Variants in CDC42EP5 observed in about 807,000 individuals in gnomAD.
The protein encoded by CDC42EP5 is CDC42 effector protein (Rho GTPase binding) 5.
For missense variants in CDC42EP5, 269 were observed against 238.0 expected, an observed-to-expected ratio of 1.13 and a Z score of -0.86; for synonymous variants, 118 against 123.3, an observed-to-expected ratio of 0.96 and a Z score of 0.28.
At chr19:54,471,101 C>T (rs550491245) in intron 2 of CDC42EP5, among the ~76,000 whole-genome samples, 13 of 152,308 alleles carry the variant, frequency 8.5e-5, no homozygotes, top group South Asian at 2.1e-4. Flanking sequence ...CGGAAAAAGT[C>T]CCTCACGCTG....
intron 2 of CDC42EP5, among the ~76,000 whole-genome samples, chr19:54,468,924 T>TTCCTTCC (rs2084795615): frequency 1.9e-3 from 61 of 31,612 alleles, no homozygotes; most frequent in African/African-American, 5.0e-3. Flanking sequence ...TCCTTCCTTC[T>TTCCTTCC]TTCTTTCTTT....
intron 2 of CDC42EP5, 43 bp from the exon 3 acceptor site, chr19:54,465,590 C>T (rs1234365521): frequency 5.7e-6 from 8 of 1,410,194 alleles, no homozygotes; most frequent in African/African-American, 3.0e-5. Context: ...CAGCCCGGGG[C>T]TCGCAGCCAC....
intron 2 of CDC42EP5, among the ~76,000 whole-genome samples, chr19:54,466,692 T>C (rs1220267805): frequency 6.7e-6 from 1 of 149,218 alleles, no homozygotes; most frequent in Non-Finnish European, 1.5e-5. Flanking sequence ...GGGGAAAAAA[T>C]ACAGTAATAA....
intron 2 of CDC42EP5, 132 bp from the exon 3 acceptor site, chr19:54,465,679 A>G (rs1416162416): frequency 1.7e-6 from 2 of 1,149,432 alleles, no homozygotes; most frequent in Non-Finnish European, 2.2e-6. Flanking sequence ...AGTCTCGCCC[A>G]TGCTGGAGTT....
At chr19:54,468,804 G>A (rs1043890421) in intron 2 of CDC42EP5, among the ~76,000 whole-genome samples, 1 of 150,020 alleles carries the variant, frequency 6.7e-6, no homozygotes, top group African/African-American at 2.5e-5. Context: ...TGCCCGCCTT[G>A]GCCTCCCAAA....
intron 1 of CDC42EP5, among the ~76,000 whole-genome samples, chr19:54,472,735 T>G (rs555356054): frequency 6.1e-4 from 13 of 21,334 alleles, no homozygotes; most frequent in South Asian, 2.4e-3. Context: ...CCAGGCCCCA[T>G]CCCCTCCTCC....
Position 54,465,158 on chromosome 19 carries a change from G to C in CDC42EP5, c.390C>G (p.Pro130=), listed in dbSNP as rs117435208. 27,201 of 1,410,634 alleles carry C rather than the reference G, an allele frequency of 0.019. 582 individuals are homozygous for C. Among genetic ancestry groups the C allele is most frequent in the East Asian group, 0.09 (3,073 of 34,016 alleles). The allele number at this position is 1,410,634 out of a possible 1,614,324, so 87.4% of individuals were successfully genotyped here. ...DAEPRPGTQP[P]QARCRPNADL... ...CCGCGTTGGGGCGGCAGCGGGCCTGGGGGGGCTGCGTCCCGGGGCGGGGTT... is the reference window on the plus strand; with the variant it reads ...CCGCGTTGGGGCGGCAGCGGGCCTGCGGGGGCTGCGTCCCGGGGCGGGGTT... The change falls in exon 3 of 3, where the codon CCC becomes CCG. Residue 130 remains proline, a synonymous_variant. Transcript: ENST00000301200.
At chr19:54,471,844 C>T (rs2084840807) in intron 1 of CDC42EP5, among the ~76,000 whole-genome samples, 159 bp from the exon 2 acceptor site, 1 of 151,600 alleles carries the variant, frequency 6.6e-6, no homozygotes, top group African/African-American at 2.4e-5. Context: ...CCCCCAGCCC[C>T]TTCTTCCTCA....
At chr19:54,471,210 T>A (rs921907853) in intron 2 of CDC42EP5, among the ~76,000 whole-genome samples, 3 of 151,778 alleles carry the variant, frequency 2.0e-5, no homozygotes, top group African/African-American at 4.8e-5. Flanking sequence ...GGCCGCGCGT[T>A]CTCCCCCCGC....
rs1430293806 is a variant in CDC42EP5 at position 54,465,298 on chromosome 19, G to A, written c.250C>T (p.Pro84Ser). 9 of 1,256,260 alleles carry A rather than the reference G, an allele frequency of 7.2e-6. No individual in the cohort carries two copies. The highest frequency in any genetic ancestry group is 8.0e-6 in the Non-Finnish European group (8 of 998,408). The allele number at this position is 1,256,260 out of a possible 1,614,324, so 77.8% of individuals were successfully genotyped here. ...TGGAAGGACAGCAGCGGGTCGGCAGGCGAGGGCGCTGCGGACTGCGGGACG... is the reference window on the plus strand; with the variant it reads ...TGGAAGGACAGCAGCGGGTCGGCAGACGAGGGCGCTGCGGACTGCGGGACG... ...PAVPQSAAPSPADPLLSFHLD... is the reference protein window; with the variant it reads ...PAVPQSAAPSSADPLLSFHLD... The change falls in exon 3 of 3, where the codon CCT becomes TCT. Residue 84 changes from proline to serine, a missense_variant. By Grantham distance (74) the Pro-to-Ser change is moderately conservative (BLOSUM62 -1). Transcript: ENST00000301200.
intron 2 of CDC42EP5, among the ~76,000 whole-genome samples, chr19:54,468,942 TCCC>T (rs2084797618): frequency 2.7e-5 from 4 of 149,730 alleles, no homozygotes; most frequent in East Asian, 2.0e-4. Context: ...TTTTCTTCCC[TCCC>T]TCCCTCCTTC....
At chr19:54,466,170 C>G (rs1011213466) in intron 2 of CDC42EP5, among the ~76,000 whole-genome samples, 28 of 151,306 alleles carry the variant, frequency 1.9e-4, no homozygotes, top group East Asian at 2.0e-4. Context: ...GGCCCGGGTG[C>G]GGTGGCTCAC....
In CDC42EP5 at chr19:54,465,522, G is replaced by A; in HGVS notation, c.26C>T (p.Pro9Leu). The change falls in exon 3 of 3, where the codon CCC becomes CTC. Residue 9 changes from proline (P) to leucine (L), a missense_variant. Transcript: ENST00000301200. ...ATCAGGCCGCTTCTTGGGCTGCGCG[G>A]GGCCCAGCTGCTTCAGCACGGGCAT... MPVLKQLG[P>L]AQPKKRPDRG... 1 of 1,536,656 alleles carries A rather than the reference G, an allele frequency of 6.5e-7. No homozygotes were observed.
Position 54,465,274 on chromosome 19 carries a change from G to T in CDC42EP5, c.274C>A (p.His92Asn). 1 of 1,345,646 alleles carries T rather than the reference G, an allele frequency of 7.4e-7. No homozygotes were observed. 83.4% of individuals were successfully genotyped at this position (1,345,646 alleles called of 1,614,324 possible). Residue 92 changes from histidine to asparagine, a missense_variant, in exon 3 of 3, where the codon CAC becomes AAC. Coordinates refer to ENST00000301200, the MANE Select transcript of CDC42EP5 (RefSeq NM_145057.4). ...AGCATGGAGGGCCCCAGATCCAGGT[G>T]GAAGGACAGCAGCGGGTCGGCAGGC... The part of the protein sequence containing the change: ...PSPADPLLSF[H>N]LDLGPSMLDA...
chr19:54,465,239 C>CA lies in CDC42EP5; in HGVS notation c.308dup (p.Leu104AlafsTer?), dbSNP rs1367521747. The CA allele has an allele frequency of 7.0e-7, 1 of 1,432,468 alleles. No individual in the cohort carries two copies. The highest frequency in any genetic ancestry group is 2.8e-5 in the Admixed American group (1 of 36,108). The allele number at this position is 1,432,468 out of a possible 1,614,324, so 88.7% of individuals were successfully genotyped here. On this transcript the variant is annotated frameshift_variant, in exon 3 of 3. Coordinates refer to ENST00000301200, the MANE Select transcript of CDC42EP5 (RefSeq NM_145057.4). LOFTEE classifies it low-confidence loss of function (END_TRUNC). ...GGCGCGCCGCGTCCATGACGCCCAGCACCGCGTCCAGCATGGAGGGCCCCA... is the reference window on the plus strand; with the variant it reads ...GGCGCGCCGCGTCCATGACGCCCAGCAACCGCGTCCAGCATGGAGGGCCCCA...
intron 2 of CDC42EP5, among the ~76,000 whole-genome samples, chr19:54,470,748 C>T (rs945971773): frequency 9.9e-5 from 15 of 152,170 alleles, no homozygotes; most frequent in African/African-American, 3.4e-4. Context: ...GTCACTTGCC[C>T]TGGGTCACAC....
intron 2 of CDC42EP5, among the ~76,000 whole-genome samples, chr19:54,469,200 T>C (rs1198811296): frequency 6.6e-6 from 1 of 151,978 alleles, no homozygotes; most frequent in Non-Finnish European, 1.5e-5. Flanking sequence ...TTCACCATGT[T>C]GGCCAGGCTG....
chr19:54,466,845 A>G (rs2084761126), intron 2 of CDC42EP5, among the ~76,000 whole-genome samples: 1 of 152,144 alleles, frequency 6.6e-6, no homozygotes, highest in Non-Finnish European at 1.5e-5. Context: ...GCATTTATAT[A>G]AGAGACTTAA....
intron 2 of CDC42EP5, among the ~76,000 whole-genome samples, chr19:54,467,593 G>A (rs1309297686): frequency 2.1e-5 from 3 of 143,592 alleles, no homozygotes; most frequent in African/African-American, 5.2e-5. Context: ...TTGAGACGGA[G>A]TCTTGTTCTG....
Sources: gnomAD v4.1 joint callset for allele counts (sites outside exome capture counted in the v4.1 genomes callset) on GRCh38, gnomAD v4.1.1 for gene constraint, MANE v1.5 for transcripts, NCBI Gene and HGNC (gene_info 2026-07-23, HGNC 2026-07-21) for gene names.